TRPM7: variants seen among roughly 807,000 people sequenced by gnomAD.
TRPM7 encodes the protein transient receptor potential cation channel subfamily M member 7.
TRPM7 carries 134 observed loss-of-function variants against 229.7 expected under a neutral mutation model. The ratio of observed to expected loss-of-function variants is 0.58; its 90% CI spans 0.51 to 0.67. The LOEUF is 0.67. Among genes scored for constraint, TRPM7 ranks in the 30% least tolerant of loss-of-function variants. The probability of loss-of-function intolerance (pLI) is 0.00; values close to 1 mark genes in which losing one functional copy is unlikely to be tolerated. For missense variants in TRPM7, 1,901 were observed against 2,210.0 expected, an observed-to-expected ratio of 0.86 and a Z score of 2.80; for synonymous variants, 699 against 715.2, an observed-to-expected ratio of 0.98 and a Z score of 0.36.
intron 21 of TRPM7, among the ~76,000 whole-genome samples, chr15:50,600,672 AGCAG>A (rs2059757028): frequency 6.6e-6 from 1 of 152,242 alleles, no homozygotes; most frequent in African/African-American, 2.4e-5. Context: ...ATACAGTGAC[AGCAG>A]AAATGGAAAG....
chr15:50,614,587 C>T (rs1033616979), intron 13 of TRPM7, among the ~76,000 whole-genome samples: 1 of 146,158 alleles, frequency 6.8e-6, no homozygotes, highest in Non-Finnish European at 1.5e-5. Context: ...ATTGCTTGAA[C>T]TTGGGAGGCG....
chr15:50,609,700 A>C lies in TRPM7; in HGVS notation c.2461T>G (p.Leu821Val). ...PMEVFKEVRI[L>V]DSNEGKNEME... Reference sequence around the variant, plus strand: ...TCATTCTTTCCTTCATTACTATCCAAAATCCGTACTTCTTTAAACACTTCC... The same window carrying C: ...TCATTCTTTCCTTCATTACTATCCACAATCCGTACTTCTTTAAACACTTCC... Residue 821 changes from leucine to valine, a missense_variant, in exon 19 of 39, where the codon TTG (leucine) becomes GTG (valine). Physicochemically the swap from Leu to Val is conservative, Grantham distance 32. Transcript: ENST00000646667. 6.2e-7 allele frequency: 1 copy of C among 1,601,468 alleles called. No individual in the cohort carries two copies. Among genetic ancestry groups the C allele is most frequent in the Non-Finnish European group, 8.5e-7 (1 of 1,175,546 alleles).
At chr15:50,610,820 G>A (rs1217092505) in intron 17 of TRPM7, among the ~76,000 whole-genome samples, 1 of 151,968 alleles carries the variant, frequency 6.6e-6, no homozygotes, top group Non-Finnish European at 1.5e-5. Flanking sequence ...GCTGCTAGGG[G>A]CCATAATCTC....
intron 5 of TRPM7, 109 bp from the exon 6 acceptor site, chr15:50,639,657 C>A: frequency 1.0e-6 from 1 of 962,454 alleles, no homozygotes; most frequent in South Asian, 2.0e-5. Flanking sequence ...GCCTCAAACT[C>A]CTGGACTCAA....
At chr15:50,606,379 A>AAAAC (rs373781520) in intron 20 of TRPM7, among the ~76,000 whole-genome samples, 6,043 of 151,944 alleles carry the variant, frequency 0.04, 440 homozygotes, top group African/African-American at 0.14. Context: ...ACTACGTCTC[A>AAAAC]AAACAAACAA....
chr15:50,620,213 C>A (rs1208607708), intron 12 of TRPM7, among the ~76,000 whole-genome samples: 2 of 152,066 alleles, frequency 1.3e-5, no homozygotes, highest in Non-Finnish European at 2.9e-5. Context: ...AACCTGTAAC[C>A]CACGGGCTGC....
intron 10 of TRPM7, among the ~76,000 whole-genome samples, chr15:50,629,563 T>C (rs1052884659): frequency 1.5e-5 from 2 of 135,054 alleles, no homozygotes; most frequent in African/African-American, 6.1e-5. Context: ...TGGCCATCCT[T>C]CCATATTTTC....
intron 25 of TRPM7, 94 bp from the exon 26 acceptor site, chr15:50,592,720 A>C (rs2059537570): frequency 6.1e-6 from 5 of 825,880 alleles, no homozygotes; most frequent in Non-Finnish European, 9.2e-6. Context: ...AAAGAGAAAA[A>C]TTTCACATGC....
chr15:50,632,857 A>G lies in TRPM7; in HGVS notation c.1131+12T>C, dbSNP rs2060778899. Reference sequence around the variant, plus strand: ...CTATCAGCTTTTTAAATTTCTGCTGAAATCTACTTACAAGCTCCTTTCTTT... The same window carrying G: ...CTATCAGCTTTTTAAATTTCTGCTGGAATCTACTTACAAGCTCCTTTCTTT... On this transcript the variant is annotated intron_variant, in intron 9 of 38. Transcript: ENST00000646667. 6.6e-7 allele frequency: 1 copy of G among 1,509,166 alleles called. No individual in the cohort carries two copies. The highest frequency in any genetic ancestry group is 2.5e-5 in the East Asian group (1 of 39,434). 93.5% of individuals were successfully genotyped at this position (1,509,166 alleles called of 1,614,324 possible). A position where few individuals can be genotyped will look rare whatever the true frequency, so the allele number is the denominator to read the frequency against.
chr15:50,640,734 A>C (rs576133834), intron 5 of TRPM7, among the ~76,000 whole-genome samples: 1 of 152,264 alleles, frequency 6.6e-6, no homozygotes, highest in South Asian at 2.1e-4. Flanking sequence ...TGTGACGATT[A>C]ATTTAAAATA....
At chr15:50,610,999 C>T (rs1259451977) in intron 17 of TRPM7, 94 bp downstream of exon 17, 2 of 970,026 alleles carry the variant, frequency 2.1e-6, no homozygotes, top group Non-Finnish European at 3.1e-6. Flanking sequence ...CCATTACACT[C>T]ACACATCAAG....
At chr15:50,644,989 C>T (rs1482733371) in intron 4 of TRPM7, among the ~76,000 whole-genome samples, 2 of 151,540 alleles carry the variant, frequency 1.3e-5, no homozygotes, top group African/African-American at 2.4e-5. Context: ...GCAGCCTCTG[C>T]CTCCCAGGCT....
intron 38 of TRPM7, among the ~76,000 whole-genome samples, chr15:50,564,279 A>AAAAT (rs2053479827): frequency 9.4e-6 from 1 of 106,190 alleles, no homozygotes; most frequent in African/African-American, 2.9e-5. Flanking sequence ...AAAATAAAAT[A>AAAAT]AAATAAAATA....
chr15:50,580,937 A>AC, intron 29 of TRPM7, 29 bp from the exon 30 acceptor site: 2 of 1,566,412 alleles, frequency 1.3e-6, no homozygotes, highest in African/African-American at 1.4e-5. Flanking sequence ...ACACACACAC[A>AC]AAAACCTTAA....
chr15:50,589,570 G>A (rs745868702), intron 27 of TRPM7, 22 bp downstream of exon 27: 4 of 1,444,836 alleles, frequency 2.8e-6, no homozygotes, highest in East Asian at 4.6e-5. Context: ...AACTGTGGGT[G>A]TTTTAATAAG....
chr15:50,604,785 TA>T, intron 21 of TRPM7, 80 bp downstream of exon 21: 1 of 1,357,346 alleles, frequency 7.4e-7, no homozygotes, highest in Non-Finnish European at 9.9e-7. Flanking sequence ...CTGGCTCAAA[TA>T]AAACTATGTT....
rs2059345819 is a variant in TRPM7, at chr15:50,586,450, A to G, written c.4428T>C (p.Ser1476=). The G allele has an allele frequency of 1.9e-6, 3 of 1,613,284 alleles. No individual in the cohort carries two copies. Among genetic ancestry groups the G allele is most frequent in the Non-Finnish European group, 2.5e-6 (3 of 1,179,412 alleles). The part of the protein sequence containing the change: ...NTSENTLKRV[S]SLAGFTDCHR... ...GACAGTCAGTAAATCCAGCAAGAGA[A>G]CTCACTCGTTTCAAAGTGTTTTCAG... The change falls in exon 28 of 39, where the codon AGT becomes AGC. Residue 1476 remains serine (S), a synonymous_variant. Transcript: ENST00000646667.
chr15:50,578,739 T>G, intron 30 of TRPM7, 75 bp from the exon 31 acceptor site: 1 of 1,030,174 alleles, frequency 9.7e-7, no homozygotes, highest in South Asian at 2.3e-5. Context: ...TTTTTTGATT[T>G]TATACAATTA....
chr15:50,652,525 CA>C (rs71127103), intron 3 of TRPM7, among the ~76,000 whole-genome samples: 56,499 of 127,898 alleles, frequency 0.44, 11,777 homozygotes, highest in Admixed American at 0.53. Context: ...GACTCTGTCT[CA>C]AAAAAAAAAA....
Sources: gnomAD v4.1 joint callset for allele counts (sites outside exome capture counted in the v4.1 genomes callset) on GRCh38, gnomAD v4.1.1 for gene constraint, MANE v1.5 for transcripts, NCBI Gene and HGNC (gene_info 2026-07-23, HGNC 2026-07-21) for gene names.